Variants in BCO2 observed in about 807,000 individuals in gnomAD.
The protein encoded by BCO2 is carotenoid-cleaving dioxygenase, mitochondrial.
BCO2 carries 56 observed loss-of-function variants against 65.8 expected under a neutral mutation model. The ratio of observed to expected loss-of-function variants is 0.85; its 90% CI spans 0.69 to 1.06. BCO2 has a LOEUF of 1.06. Among genes scored for constraint, BCO2 ranks in the 50% least tolerant of loss-of-function variants. BCO2 has a pLI of 0.00. For missense variants in BCO2, 675 were observed against 698.5 expected (o/e 0.97, Z 0.38); for synonymous variants, 233 against 242.3 (o/e 0.96, Z 0.36).
chr11:112,201,782 A>G (rs1010977471), intron 7 of BCO2, among the ~76,000 whole-genome samples: 7 of 152,218 alleles, frequency 4.6e-5, no homozygotes, highest in African/African-American at 1.4e-4. Flanking sequence ...GTTCGTTATA[A>G]CAATTGATTG....
intron 2 of BCO2, among the ~76,000 whole-genome samples, chr11:112,191,208 T>C (rs1363800958): frequency 6.6e-6 from 1 of 151,848 alleles, no homozygotes; most frequent in Non-Finnish European, 1.5e-5. Flanking sequence ...ATGCAAATGA[T>C]ATAATATTAC....
At chr11:112,216,520 T>C (rs1047021444) in intron 11 of BCO2, among the ~76,000 whole-genome samples, 190 bp downstream of exon 11, 6 of 152,270 alleles carry the variant, frequency 3.9e-5, no homozygotes, top group Non-Finnish European at 7.3e-5. Flanking sequence ...TGGAAGGCCA[T>C]AATAACAATT....
intron 8 of BCO2, 81 bp from the exon 9 acceptor site, chr11:112,213,643 G>C: frequency 7.6e-7 from 1 of 1,311,998 alleles, no homozygotes; most frequent in African/African-American, 1.5e-5. Context: ...GAATGCCAAT[G>C]ATGTTGACTG....
At chr11:112,191,240 T>G (rs1317560915) in intron 2 of BCO2, among the ~76,000 whole-genome samples, 2 of 151,974 alleles carry the variant, frequency 1.3e-5, no homozygotes, top group African/African-American at 4.8e-5. Flanking sequence ...ATTACTATAA[T>G]GTATTAATCC....
chr11:112,183,668 A>G (rs542339937), intron 2 of BCO2, among the ~76,000 whole-genome samples: 1 of 152,348 alleles, frequency 6.6e-6, no homozygotes, highest in East Asian at 1.9e-4. Flanking sequence ...AGGTTTATAA[A>G]TTGCTTTAGT....
chr11:112,201,314 A>C (rs897055772), intron 7 of BCO2, among the ~76,000 whole-genome samples: 1 of 151,524 alleles, frequency 6.6e-6, no homozygotes, highest in Non-Finnish European at 1.5e-5. Context: ...CACCCAGCTA[A>C]TTTTTTTCTA....
chr11:112,213,693 C>T (rs111272472), intron 8 of BCO2, 31 bp from the exon 9 acceptor site: 2 of 1,605,618 alleles, frequency 1.2e-6, no homozygotes. Flanking sequence ...ATATGAATGA[C>T]AATTTTCATC....
rs1592870025 is a variant in BCO2 at position 112,215,371 on chromosome 11, TC to T, written c.1515+428del. The T allele has an allele frequency of 3.1e-5, 6 of 194,278 alleles. No individual in the cohort carries two copies. The East Asian group carries it at 8.7e-4, about 28-fold the overall frequency. The allele number at this position is 194,278 out of a possible 1,614,324, so 12.0% of individuals were successfully genotyped here. On this transcript the variant is annotated intron_variant, in intron 10 of 11. Transcript: ENST00000357685. ...CTATTGACAGCCTGTGTTAGTCTGT[TC>T]TGTGTTGTTATAAAGAAATCCCCGA...
intron 2 of BCO2, among the ~76,000 whole-genome samples, chr11:112,191,445 A>G (rs1052336441): frequency 6.6e-6 from 1 of 152,188 alleles, no homozygotes; most frequent in Non-Finnish European, 1.5e-5. Context: ...AGAAATATGC[A>G]AACTTTAAAA....
intron 1 of BCO2, chr11:112,176,518 G>GGC (rs1555193530): frequency 6.5e-4 from 2 of 3,094 alleles, no homozygotes; most frequent in Admixed American, 0.012. Context: ...ATTGATTGGC[G>GGC]GGGGGGGGGG....
Position 112,179,470 on chromosome 11 carries a change from T to C in BCO2, c.281T>C (p.Phe94Ser). The C allele has an allele frequency of 6.2e-7, 1 of 1,614,040 alleles. No homozygotes were observed. The highest frequency in any genetic ancestry group is 8.5e-7 in the Non-Finnish European group (1 of 1,179,976). ...CGAATTGGACCTGGGAAATTCGAGT[T>C]TGGGAAGGATAAGTAAGCCTTGATT... is the stretch of plus-strand genomic sequence containing the variant. The part of the protein sequence containing the change: ...LLRIGPGKFE[F>S]GKDKYNHWFD... Residue 94 changes from phenylalanine (F) to serine (S), a missense_variant, in exon 2 of 12, where the codon TTT (phenylalanine) becomes TCT (serine). Physicochemically the swap from Phe to Ser is radical, Grantham distance 155 (BLOSUM62 -2). Coordinates refer to ENST00000357685, the MANE Select transcript of BCO2 (RefSeq NM_031938.7).
chr11:112,201,964 A>G, intron 7 of BCO2, 59 bp from the exon 8 acceptor site: 1 of 1,442,152 alleles, frequency 6.9e-7, no homozygotes. Context: ...TCCTAAAGGA[A>G]AGGGAAAAAG....
At chr11:112,199,600 A>G in intron 5 of BCO2, 99 bp from the exon 6 acceptor site, 2 of 1,058,642 alleles carry the variant, frequency 1.9e-6, no homozygotes, top group Non-Finnish European at 2.8e-6. Context: ...CATATTGCAT[A>G]AATCTCTTAA....
chr11:112,181,848 T>C (rs1229418219), intron 2 of BCO2: 5 of 962,518 alleles, frequency 5.2e-6, no homozygotes, highest in Non-Finnish European at 8.5e-6. Context: ...TCTTTGCTGT[T>C]CAAATCTTGA....
In BCO2 at chr11:112,179,338, GT is replaced by G. The variant is rs757995564; in HGVS notation, c.150del (p.Leu51CysfsTer8). 24 of 1,614,188 alleles carry G rather than the reference GT, an allele frequency of 1.5e-5. No individual in the cohort carries two copies. Among genetic ancestry groups the G allele is most frequent in the Non-Finnish European group, 1.9e-5 (23 of 1,180,028 alleles). On this transcript the variant is annotated frameshift_variant, in exon 2 of 12. Transcript: ENST00000357685. LOFTEE classifies it high-confidence loss of function. ...QKKAVFGQCR[G>X]LPCVAPLLTT... ...AAAGCCGTCTTTGGGCAGTGTCGGG[GT>G]CTGCCATGTGTTGCACCGCTGCTGA...
intron 7 of BCO2, 127 bp from the exon 8 acceptor site, chr11:112,201,896 G>A (rs1198390860): frequency 2.8e-6 from 2 of 714,336 alleles, no homozygotes; most frequent in East Asian, 2.8e-5. Context: ...TACTGGACCT[G>A]CCACTTCAGA....
chr11:112,193,510 C>T lies in BCO2; in HGVS notation c.330C>T (p.His110=), dbSNP rs756931727. The change falls in exon 3 of 12, where the codon CAC becomes CAT. Residue 110 remains histidine, a synonymous_variant. Transcript: ENST00000357685. ...NHWFDGMALL[H]QFRMAKGTVT... is the part of the protein sequence containing the mutation. ...GGTTTGATGGGATGGCGCTGCTTCA[C>T]CAGTTCAGAATGGCAAAGGGCACAG... 5 of 1,614,138 alleles carry T rather than the reference C, an allele frequency of 3.1e-6. No individual in the cohort carries two copies. Among genetic ancestry groups the T allele is most frequent in the Non-Finnish European group, 4.2e-6 (5 of 1,180,026 alleles).
chr11:112,196,112 G>C (rs1281208029), intron 5 of BCO2, among the ~76,000 whole-genome samples: 1 of 152,156 alleles, frequency 6.6e-6, no homozygotes, highest in East Asian at 1.9e-4. Context: ...GTGTCTGTTT[G>C]TCTTACCTAA....
At chr11:112,188,284 A>G (rs915530838) in intron 2 of BCO2, among the ~76,000 whole-genome samples, 1 of 152,188 alleles carries the variant, frequency 6.6e-6, no homozygotes, top group Admixed American at 6.5e-5. Flanking sequence ...TCTACATCCT[A>G]TCAGTCATCT....
Sources: allele counts gnomAD v4.1 joint callset (sites outside exome capture counted in the v4.1 genomes callset), GRCh38; gene constraint gnomAD v4.1.1; transcripts MANE v1.5; gene names NCBI Gene and HGNC (gene_info 2026-07-23, HGNC 2026-07-21).